The following SUSD1 variants were observed in gnomAD, a reference collection of about 807,000 sequenced individuals.
The protein encoded by SUSD1 is sushi domain containing 1.
Under a neutral mutation model 86.9 loss-of-function variants are expected in SUSD1, and 65 were observed. The observed-to-expected ratio is 0.75, with a 90% CI of 0.61 to 0.92. The LOEUF is 0.92. Among genes scored for constraint, SUSD1 ranks in the 40% least tolerant of loss-of-function variants. SUSD1 has a pLI of 0.00. For missense variants in SUSD1, 850 were observed against 929.7 expected, an observed-to-expected ratio of 0.91 and a Z score of 1.11; for synonymous variants, 346 against 350.0, an observed-to-expected ratio of 0.99 and a Z score of 0.13.
At position 112,041,115 on chromosome 9, in the gene SUSD1, G is replaced by T. The variant is rs1389903354; in HGVS notation, c.*377C>A. 1.3e-5 allele frequency: 5 copies of T among 374,714 alleles called. No homozygotes were observed. Among genetic ancestry groups the T allele is most frequent in the Non-Finnish European group, 2.4e-5 (5 of 206,636 alleles). 23.2% of individuals were successfully genotyped at this position (374,714 alleles called of 1,614,324 possible). On this transcript the variant is annotated 3_prime_UTR_variant, in exon 17 of 17. Coordinates refer to ENST00000374270, the MANE Select transcript of SUSD1 (RefSeq NM_022486.5). ...AAATGCTTTTATATAGGAGGTTGCAGAGATTCTCTTGCAGTCAATGTCTAG... is the reference window on the plus strand; with the variant it reads ...AAATGCTTTTATATAGGAGGTTGCATAGATTCTCTTGCAGTCAATGTCTAG...
At chr9:112,133,940 C>T (rs1046126514) in intron 5 of SUSD1, among the ~76,000 whole-genome samples, 3 of 152,120 alleles carry the variant, frequency 2.0e-5, no homozygotes, top group Admixed American at 6.5e-5. Context: ...AGAAGACACA[C>T]AAGCAATCAA....
chr9:112,111,705 T>C lies in SUSD1; in HGVS notation c.1120A>G (p.Thr374Ala), dbSNP rs961232227. Residue 374 changes from threonine to alanine, a missense_variant, in exon 8 of 17, where the codon ACA (threonine) becomes GCA (alanine). Thr to Ala is a moderately conservative substitution (Grantham distance 58, BLOSUM62 0). Coordinates refer to ENST00000374270, the MANE Select transcript of SUSD1 (RefSeq NM_022486.5). Reference protein sequence around the residue: ...PGTNYTVNISTAPPRRSMPAV... With the variant: ...PGTNYTVNISAAPPRRSMPAV... ...GGCATCGAGCGCCTGGGAGGTGCTG[T>C]GGAGATGTTCACGGTGTAGTTGGTG... 2 of 1,613,956 alleles carry C rather than the reference T, an allele frequency of 1.2e-6. No individual in the cohort carries two copies. Among genetic ancestry groups the C allele is most frequent in the African/African-American group, 2.7e-5 (2 of 74,916 alleles).
At chr9:112,058,913 C>T (rs1828581298) in intron 13 of SUSD1, among the ~76,000 whole-genome samples, 1 of 152,178 alleles carries the variant, frequency 6.6e-6, no homozygotes, top group Admixed American at 6.5e-5. Context: ...CCTGCCTCAG[C>T]CTCCCAAGTA....
chr9:112,068,678 G>A (rs535027695), intron 12 of SUSD1, among the ~76,000 whole-genome samples: 5 of 150,162 alleles, frequency 3.3e-5, no homozygotes, highest in Admixed American at 2.6e-4. Context: ...CTCCAGCCTG[G>A]GCAACAGCTA....
intron 6 of SUSD1, among the ~76,000 whole-genome samples, chr9:112,117,212 T>A: frequency 6.6e-6 from 1 of 152,174 alleles, no homozygotes; most frequent in Admixed American, 6.5e-5. Flanking sequence ...AGCCTCCTCA[T>A]CCCCTAGCCA....
intron 2 of SUSD1, among the ~76,000 whole-genome samples, chr9:112,154,045 G>C (rs1477709949): frequency 1.3e-5 from 2 of 152,074 alleles, no homozygotes; most frequent in Non-Finnish European, 2.9e-5. Context: ...ACATCTCTAG[G>C]TGATAGGAAT....
chr9:112,094,455 A>G (rs75420203), intron 10 of SUSD1, among the ~76,000 whole-genome samples: 5,741 of 152,302 alleles, frequency 0.038, 180 homozygotes, highest in Non-Finnish European at 0.058. Flanking sequence ...GATTCTAGAT[A>G]AGAAACTCTT....
intron 6 of SUSD1, among the ~76,000 whole-genome samples, chr9:112,116,131 C>T (rs1831314863): frequency 6.6e-6 from 1 of 152,212 alleles, no homozygotes; most frequent in Non-Finnish European, 1.5e-5. Flanking sequence ...TTCCTTTTTA[C>T]TCTCAGTTCC....
chr9:112,129,773 G>A (rs967972259), intron 5 of SUSD1, among the ~76,000 whole-genome samples: 1 of 152,106 alleles, frequency 6.6e-6, no homozygotes, highest in Non-Finnish European at 1.5e-5. Flanking sequence ...ACCTCCACAA[G>A]GTCCGCTTAA....
chr9:112,055,617 A>G (rs773672961), intron 14 of SUSD1, among the ~76,000 whole-genome samples: 3 of 152,236 alleles, frequency 2.0e-5, no homozygotes, highest in Non-Finnish European at 2.9e-5. Flanking sequence ...AAAAAATTAA[A>G]CATAGAATTA....
chr9:112,065,984 TACTC>T lies in SUSD1; in HGVS notation c.1754-2955_1754-2952del, dbSNP rs367967828. On this transcript the variant is annotated intron_variant, in intron 12 of 16. Transcript: ENST00000374270. Reference sequence around the variant, plus strand: ...ACTTTGCCTCTGCTGTTTCAACAAATACTCACAGCAGCTCTGCGTGACAATCATC... The same window carrying T: ...ACTTTGCCTCTGCTGTTTCAACAAATACAGCAGCTCTGCGTGACAATCATC... Among the ~76,000 whole-genome samples the T allele has an allele frequency of 6.1e-4, 93 of 152,316 alleles. 2 individuals carry two copies. In the East Asian group the frequency reaches 0.016, roughly 26 times the overall value.
At chr9:112,064,905 A>T (rs900143823) in intron 12 of SUSD1, among the ~76,000 whole-genome samples, 1 of 151,340 alleles carries the variant, frequency 6.6e-6, no homozygotes, top group African/African-American at 2.4e-5. Context: ...GAAGCCTCAG[A>T]CCCAAACCAG....
intron 14 of SUSD1, among the ~76,000 whole-genome samples, chr9:112,053,955 T>C (rs151336537): frequency 1.3e-5 from 2 of 152,296 alleles, no homozygotes; most frequent in South Asian, 2.1e-4. Flanking sequence ...ATTAAGTTGG[T>C]AGAATTGACA....
chr9:112,087,079 T>C (rs1026398251), intron 10 of SUSD1, among the ~76,000 whole-genome samples: 7 of 151,634 alleles, frequency 4.6e-5, no homozygotes. Flanking sequence ...CAAACTGGGG[T>C]GGAGGGGGAG....
At chr9:112,149,642 C>T (rs563217595) in intron 2 of SUSD1, among the ~76,000 whole-genome samples, 2 of 152,308 alleles carry the variant, frequency 1.3e-5, no homozygotes, top group East Asian at 3.9e-4. Flanking sequence ...ATCTGGCAAT[C>T]CGTCTGATTT....
chr9:112,147,756 G>A lies in SUSD1; in HGVS notation c.373+1488C>T, dbSNP rs574045189. On this transcript the variant is annotated intron_variant, in intron 3 of 16. Coordinates refer to ENST00000374270, the MANE Select transcript of SUSD1 (RefSeq NM_022486.5). ...TGCACTCCAGCCTGGGCAACAGAGC[G>A]AGACTCCGTCTCAAAAAGAAAAGAA... 1.1e-3 allele frequency among the ~76,000 whole-genome samples: 172 copies of A among 152,288 alleles called. 1 individual carries two copies. The highest frequency in any genetic ancestry group is 2.3e-3 in the Non-Finnish European group (154 of 68,014).
At chr9:112,065,043 G>C (rs1828916549) in intron 12 of SUSD1, among the ~76,000 whole-genome samples, 1 of 152,146 alleles carries the variant, frequency 6.6e-6, no homozygotes, top group African/African-American at 2.4e-5. Context: ...TATAGATGAG[G>C]AAATTGATAC....
chr9:112,142,281 G>A, intron 5 of SUSD1, 39 bp downstream of exon 5: 1 of 1,472,536 alleles, frequency 6.8e-7, no homozygotes, highest in South Asian at 1.5e-5. Flanking sequence ...CAGTTTCAAG[G>A]TGGTATGAAT....
intron 5 of SUSD1, among the ~76,000 whole-genome samples, chr9:112,126,279 T>C (rs912195865): frequency 2.6e-5 from 4 of 152,116 alleles, no homozygotes; most frequent in African/African-American, 7.2e-5. Flanking sequence ...AAGGTTAAAG[T>C]GCTCAGTGGA....
Sources: gnomAD v4.1 joint callset for allele counts (sites outside exome capture counted in the v4.1 genomes callset) on GRCh38, gnomAD v4.1.1 for gene constraint, MANE v1.5 for transcripts, NCBI Gene and HGNC (gene_info 2026-07-23, HGNC 2026-07-21) for gene names.